The following CRACD variants were observed in gnomAD, a reference collection of about 807,000 sequenced individuals.
CRACD encodes capping protein-inhibiting regulator of actin dynamics.
A neutral mutation model predicts 106.8 loss-of-function variants in CRACD; 56 were observed. That is an observed-to-expected ratio of 0.52 (90% CI 0.42 to 0.66). The LOEUF (loss-of-function observed/expected upper bound fraction) is 0.66, where lower values mean the gene tolerates loss of function less well. Ranked by LOEUF, CRACD falls within the 30% of genes least tolerant of loss-of-function variation. The pLI is 0.00. For synonymous variants in CRACD, 754 were observed against 670.8 expected (o/e 1.12, Z -1.92); for missense variants, 1,730 against 1,623.2 (o/e 1.07, Z -1.13).
intron 1 of CRACD, among the ~76,000 whole-genome samples, chr4:56,063,507 TA>T (rs1187126478): frequency 6.6e-6 from 1 of 152,182 alleles, no homozygotes; most frequent in African/African-American, 2.4e-5. Context: ...TCATCTCAAC[TA>T]GAAATTCTGA....
At chr4:56,116,378 G>A (rs1236702370) in intron 1 of CRACD, among the ~76,000 whole-genome samples, 1 of 152,168 alleles carries the variant, frequency 6.6e-6, no homozygotes, top group Non-Finnish European at 1.5e-5. Flanking sequence ...TCATTTCTAT[G>A]GGGTAGATAT....
At chr4:56,116,853 G>A (rs1049343064) in intron 1 of CRACD, among the ~76,000 whole-genome samples, 5 of 151,210 alleles carry the variant, frequency 3.3e-5, no homozygotes, top group African/African-American at 9.7e-5. Context: ...GATTACAGGC[G>A]CACGGCACCA....
At chr4:56,320,192 A>C (rs987394630) in intron 8 of CRACD, among the ~76,000 whole-genome samples, 1 of 152,040 alleles carries the variant, frequency 6.6e-6, no homozygotes, top group Admixed American at 6.6e-5. Context: ...CTCATTCTGA[A>C]ATTCTAACGT....
At chr4:56,143,378 TA>T (rs1735271554) in intron 1 of CRACD, among the ~76,000 whole-genome samples, 1 of 152,148 alleles carries the variant, frequency 6.6e-6, no homozygotes, top group Non-Finnish European at 1.5e-5. Context: ...TTTTTTGTCT[TA>T]CTGCATCTCA....
intron 1 of CRACD, among the ~76,000 whole-genome samples, chr4:56,055,625 A>G (rs1297395656): frequency 6.6e-6 from 1 of 152,184 alleles, no homozygotes; most frequent in Non-Finnish European, 1.5e-5. Flanking sequence ...AGTTTTTAAT[A>G]CATTTAGAAT....
chr4:56,096,312 A>C (rs1733598408), intron 1 of CRACD, among the ~76,000 whole-genome samples: 1 of 152,178 alleles, frequency 6.6e-6, no homozygotes, highest in Admixed American at 6.5e-5. Context: ...GGAGCACTTC[A>C]ATGTTTACAG....
chr4:56,099,711 T>C (rs915043461), intron 1 of CRACD, among the ~76,000 whole-genome samples: 17 of 152,192 alleles, frequency 1.1e-4, no homozygotes, highest in Non-Finnish European at 1.8e-4. Context: ...CTAAATTAAG[T>C]GAGCACCATG....
intron 2 of CRACD, among the ~76,000 whole-genome samples, chr4:56,256,425 A>G (rs1199391446): frequency 6.6e-6 from 1 of 152,158 alleles, no homozygotes; most frequent in Non-Finnish European, 1.5e-5. Flanking sequence ...AGTCTTGTGT[A>G]TGTCTTTATC....
intron 1 of CRACD, among the ~76,000 whole-genome samples, chr4:56,150,483 G>A (rs938989099): frequency 6.6e-6 from 1 of 152,110 alleles, no homozygotes; most frequent in Non-Finnish European, 1.5e-5. Flanking sequence ...CACTACTCTA[G>A]TGGCAAGAAA....
intron 1 of CRACD, among the ~76,000 whole-genome samples, chr4:56,115,174 T>G (rs543315766): frequency 6.6e-5 from 10 of 152,140 alleles, no homozygotes; most frequent in Non-Finnish European, 1.3e-4. Flanking sequence ...GACTGGAAAT[T>G]GTTCACAGTT....
intron 1 of CRACD, among the ~76,000 whole-genome samples, chr4:56,080,502 A>C (rs1732986341): frequency 6.6e-6 from 1 of 152,206 alleles, no homozygotes; most frequent in African/African-American, 2.4e-5. Context: ...GAAGTACTAC[A>C]TCATTTTTAC....
chr4:56,086,644 C>T (rs923908664), intron 1 of CRACD, among the ~76,000 whole-genome samples: 2 of 152,180 alleles, frequency 1.3e-5, no homozygotes, highest in Non-Finnish European at 2.9e-5. Flanking sequence ...GGATCCTCTT[C>T]CCTACCCCTC....
At chr4:56,079,985 G>C (rs1239375591) in intron 1 of CRACD, among the ~76,000 whole-genome samples, 3 of 152,088 alleles carry the variant, frequency 2.0e-5, no homozygotes, top group Admixed American at 6.5e-5. Flanking sequence ...CTTTCTAATG[G>C]CTTACAATTA....
intron 1 of CRACD, among the ~76,000 whole-genome samples, chr4:56,141,335 G>A (rs578239779): frequency 9.2e-5 from 14 of 152,280 alleles, no homozygotes; most frequent in Non-Finnish European, 1.5e-4. Context: ...GTGAAACCCC[G>A]TTGAAAGGAT....
intron 3 of CRACD, among the ~76,000 whole-genome samples, chr4:56,293,331 T>A (rs1372892080): frequency 6.6e-6 from 1 of 152,184 alleles, no homozygotes; most frequent in African/African-American, 2.4e-5. Flanking sequence ...GACATCAAGC[T>A]ACAGATTTTA....
At chr4:56,231,480 A>G (rs1739614104) in intron 2 of CRACD, among the ~76,000 whole-genome samples, 1 of 152,174 alleles carries the variant, frequency 6.6e-6, no homozygotes. Context: ...CAGCAGCTCC[A>G]CTCCTGTGAA....
chr4:56,256,598 A>G (rs1457316094), intron 2 of CRACD, among the ~76,000 whole-genome samples: 2 of 152,200 alleles, frequency 1.3e-5, no homozygotes, highest in Non-Finnish European at 2.9e-5. Flanking sequence ...CCACTACACC[A>G]TGAAGTTAGG....
Position 56,330,061 on chromosome 4 carries a change from C to T in CRACD, c.*2257C>T, listed in dbSNP as rs922571440. Among the ~76,000 whole-genome samples the T allele has an allele frequency of 3.9e-5, 6 of 152,124 alleles. No individual in the cohort carries two copies. The highest frequency in any genetic ancestry group is 1.4e-4 in the African/African-American group (6 of 41,402). ...ATTTCAAAATCACCCCAAATTTGCA[C>T]TAAATACCAATGAAGTGTTATTTTG... On this transcript the variant is annotated 3_prime_UTR_variant, in exon 11 of 11. Transcript: ENST00000682029.
chr4:56,051,552 T>C (rs1052724539), intron 1 of CRACD, among the ~76,000 whole-genome samples: 2 of 152,112 alleles, frequency 1.3e-5, no homozygotes, highest in Non-Finnish European at 2.9e-5. Flanking sequence ...GGTGAGGAAA[T>C]CCAGACATGG....
Sources: gnomAD v4.1 joint callset for allele counts (sites outside exome capture counted in the v4.1 genomes callset) on GRCh38, gnomAD v4.1.1 for gene constraint, MANE v1.5 for transcripts, NCBI Gene and HGNC (gene_info 2026-07-23, HGNC 2026-07-21) for gene names.